RHPN2: variants seen among roughly 807,000 people sequenced by gnomAD.
RHPN2 encodes rhophilin-2.
Under a neutral mutation model 79.0 loss-of-function variants are expected in RHPN2, and 40 were observed. The ratio of observed to expected loss-of-function variants is 0.51; its 90% CI spans 0.39 to 0.66. The LOEUF is 0.66. Among genes scored for constraint, RHPN2 ranks in the 30% least tolerant of loss-of-function variants. RHPN2 has a pLI of 0.00. For synonymous variants in RHPN2, 285 were observed against 363.5 expected, an observed-to-expected ratio of 0.78 and a Z score of 2.46; for missense variants, 686 against 883.5, an observed-to-expected ratio of 0.78 and a Z score of 2.83.
chr19:33,052,175 A>G (rs1311831866), intron 1 of RHPN2, among the ~76,000 whole-genome samples: 3 of 152,118 alleles, frequency 2.0e-5, no homozygotes, highest in African/African-American at 7.2e-5. Context: ...AGGGTGGTCA[A>G]GCTACTCCTG....
intron 2 of RHPN2, among the ~76,000 whole-genome samples, chr19:33,042,852 G>A (rs1205795632): frequency 3.9e-5 from 6 of 151,950 alleles, no homozygotes; most frequent in South Asian, 2.1e-4. Context: ...AGGCTGAGGC[G>A]GGTGGATCAC....
intron 2 of RHPN2, among the ~76,000 whole-genome samples, chr19:33,039,950 A>G (rs1948955816): frequency 1.3e-5 from 2 of 150,638 alleles, no homozygotes; most frequent in African/African-American, 4.9e-5. Flanking sequence ...CCTACCCTCC[A>G]TGAGGCAAAC....
rs201454545 is a variant in RHPN2 at position 33,049,769 on chromosome 19, A to G, written c.70-5405T>C. Among the ~76,000 whole-genome samples the G allele has an allele frequency of 1.2e-3, 186 of 152,240 alleles. 1 individual carries two copies. In the Middle Eastern group the frequency reaches 0.014, roughly 11 times the overall value. ...ACCCTGGTACAGCATCTCGGATCCC[A>G]TGGTTCTGCAGCAAGGAGGCTATAT... On this transcript the variant is annotated intron_variant, in intron 1 of 14. Transcript: ENST00000254260.
chr19:32,990,349 A>T, intron 14 of RHPN2, 165 bp downstream of exon 14: 1 of 765,810 alleles, frequency 1.3e-6, no homozygotes, highest in South Asian at 1.6e-5. Flanking sequence ...TTTCTCTTTG[A>T]CCCAAGGTGA....
intron 1 of RHPN2, among the ~76,000 whole-genome samples, chr19:33,062,781 T>C (rs1320975075): frequency 3.6e-5 from 5 of 138,240 alleles, no homozygotes; most frequent in African/African-American, 1.5e-4. Flanking sequence ...ATAATAATAA[T>C]AATAATAATA....
chr19:33,008,232 C>T (rs770518741), intron 6 of RHPN2, 52 bp from the exon 7 acceptor site: 15 of 1,529,406 alleles, frequency 9.8e-6, no homozygotes, highest in Non-Finnish European at 1.3e-5. Flanking sequence ...CTAGTTAATG[C>T]TACAAGTGGA....
chr19:32,986,016 T>A (rs919982097), intron 14 of RHPN2, among the ~76,000 whole-genome samples: 14 of 152,228 alleles, frequency 9.2e-5, no homozygotes, highest in Admixed American at 6.5e-4. Context: ...ATCATTATAA[T>A]GTCTATTGTG....
In RHPN2 at chr19:32,999,712, A is replaced by G. The variant is rs2146007858; in HGVS notation, c.1106-7T>C. The stretch of plus-strand genomic sequence containing the variant: ...AGATCCGTGCCTGGCTTCACTGCAA[A>G]GAGAACCACAGGTTAAATCCCCTCT... On this transcript the variant is annotated splice_polypyrimidine_tract_variant and splice_region_variant and intron_variant, in intron 9 of 14. Transcript: ENST00000254260. The G allele has an allele frequency of 6.2e-7, 1 of 1,611,152 alleles. No homozygotes were observed. Among genetic ancestry groups the G allele is most frequent in the Non-Finnish European group, 8.5e-7 (1 of 1,178,262 alleles).
intron 9 of RHPN2, among the ~76,000 whole-genome samples, chr19:33,000,508 C>T (rs773901899): frequency 8.6e-5 from 13 of 152,032 alleles, no homozygotes; most frequent in Non-Finnish European, 1.6e-4. Flanking sequence ...CCACCACACC[C>T]GGCAAGGTTT....
At position 33,026,484 on chromosome 19, in the gene RHPN2, G is replaced by C; in HGVS notation, c.314+20C>G. On this transcript the variant is annotated intron_variant, in intron 3 of 14. Coordinates refer to ENST00000254260, the MANE Select transcript of RHPN2 (RefSeq NM_033103.5). ...ATCTCTGGCTCAGAGGCTTTTGGAA[G>C]GTGTGCTGCTCCCACTTACTCTGTG... 6.2e-7 allele frequency: 1 copy of C among 1,606,280 alleles called. No individual in the cohort carries two copies. Among genetic ancestry groups the C allele is most frequent in the Non-Finnish European group, 8.5e-7 (1 of 1,178,438 alleles).
chr19:32,996,846 A>G (rs190874326), intron 10 of RHPN2, among the ~76,000 whole-genome samples: 337 of 152,106 alleles, frequency 2.2e-3, no homozygotes, highest in Middle Eastern at 3.4e-3. Flanking sequence ...GCATTTCTCT[A>G]TAACTCGCTT....
intron 1 of RHPN2, chr19:33,051,712 GA>G: frequency 5.1e-6 from 1 of 196,104 alleles, no homozygotes; most frequent in Non-Finnish European, 1.1e-5. Flanking sequence ...TACAAAGTGA[GA>G]AAGTGGCTGT....
chr19:33,005,979 G>A (rs1055780387), intron 7 of RHPN2, among the ~76,000 whole-genome samples: 2 of 151,570 alleles, frequency 1.3e-5, no homozygotes, highest in African/African-American at 2.4e-5. Flanking sequence ...CCACAACCTC[G>A]GCTGATCCTT....
intron 1 of RHPN2, among the ~76,000 whole-genome samples, chr19:33,063,583 A>G (rs1321865125): frequency 1.3e-5 from 2 of 152,196 alleles, no homozygotes; most frequent in Non-Finnish European, 2.9e-5. Flanking sequence ...GCCAAAAGCT[A>G]TTTTTAGACT....
chr19:33,025,021 G>A (rs1202410003), intron 3 of RHPN2, among the ~76,000 whole-genome samples: 1 of 152,152 alleles, frequency 6.6e-6, no homozygotes, highest in African/African-American at 2.4e-5. Context: ...GAAGAGCCGG[G>A]ATTACAGGCA....
chr19:33,028,004 G>C (rs1487533493), intron 2 of RHPN2, among the ~76,000 whole-genome samples: 1 of 151,962 alleles, frequency 6.6e-6, no homozygotes, highest in Non-Finnish European at 1.5e-5. Context: ...GAAATTAAAG[G>C]CATCCAGATT....
intron 7 of RHPN2, among the ~76,000 whole-genome samples, chr19:33,006,978 G>T (rs34516396): frequency 0.2 from 30,156 of 151,930 alleles, 3,063 homozygotes; most frequent in Middle Eastern, 0.28. Context: ...GTAGGCAGAC[G>T]TCGTAGTGAG....
intron 2 of RHPN2, among the ~76,000 whole-genome samples, chr19:33,033,900 A>G (rs1972032613): frequency 6.6e-6 from 1 of 151,958 alleles, no homozygotes; most frequent in African/African-American, 2.4e-5. Flanking sequence ...ATAAAAATAA[A>G]TAAAAACTGA....
Position 32,980,232 on chromosome 19 carries a change from C to T in RHPN2, c.1825G>A (p.Val609Met), listed in dbSNP as rs147967421. The change falls in exon 15 of 15, where the codon GTG (valine) becomes ATG (methionine). Residue 609 changes from valine (V) to methionine (M), a missense_variant. Transcript: ENST00000254260. ...ATGGAGTACGTTTTCTGCATTCCCACGGAGTATGTGGCACTCTTATTATGC... is the reference window on the plus strand; with the variant it reads ...ATGGAGTACGTTTTCTGCATTCCCATGGAGTATGTGGCACTCTTATTATGC... ...SMHNKSATYSVGMQKTYSMIC... is the reference protein window; with the variant it reads ...SMHNKSATYSMGMQKTYSMIC... 44 of 1,613,712 alleles carry T rather than the reference C, an allele frequency of 2.7e-5. No homozygotes were observed. The highest frequency in any genetic ancestry group is 1.3e-4 in the South Asian group (12 of 91,078).
Sources: allele counts gnomAD v4.1 joint callset (sites outside exome capture counted in the v4.1 genomes callset), GRCh38; gene constraint gnomAD v4.1.1; transcripts MANE v1.5; gene names NCBI Gene and HGNC (gene_info 2026-07-23, HGNC 2026-07-21).